SPIDR: variants seen among roughly 807,000 people sequenced by gnomAD.
SPIDR encodes the protein scaffold protein involved in DNA repair.
Under a neutral mutation model 104.6 loss-of-function variants are expected in SPIDR, and 93 were observed. The observed-to-expected ratio is 0.89, with a 90% CI of 0.75 to 1.06. SPIDR has a LOEUF of 1.06. Ranked by LOEUF, SPIDR falls within the 50% of genes least tolerant of loss-of-function variation. SPIDR has a pLI of 0.00. For missense variants in SPIDR, 1,154 were observed against 1,111.2 expected (o/e 1.04, Z -0.55); for synonymous variants, 431 against 416.9 (o/e 1.03, Z -0.41).
At chr8:47,437,980 G>A (rs2068681259) in intron 7 of SPIDR, among the ~76,000 whole-genome samples, 1 of 152,238 alleles carries the variant, frequency 6.6e-6, no homozygotes, top group Non-Finnish European at 1.5e-5. Context: ...AGGTACATAA[G>A]TATTTCTTCT....
chr8:47,354,043 C>T (rs1554624133), intron 5 of SPIDR, among the ~76,000 whole-genome samples: 1 of 151,988 alleles, frequency 6.6e-6, no homozygotes, highest in Non-Finnish European at 1.5e-5. Flanking sequence ...ACTGATTTTC[C>T]ATGCCTGATT....
At chr8:47,703,146 G>A (rs1229551508) in intron 14 of SPIDR, among the ~76,000 whole-genome samples, 1 of 152,236 alleles carries the variant, frequency 6.6e-6, no homozygotes, top group Non-Finnish European at 1.5e-5. Flanking sequence ...CGACACGCTT[G>A]TTAGGAATCT....
chr8:47,376,605 C>G (rs889324934), intron 5 of SPIDR, among the ~76,000 whole-genome samples: 6 of 152,080 alleles, frequency 3.9e-5, no homozygotes, highest in Non-Finnish European at 8.8e-5. Context: ...TGGCAGGATC[C>G]CATACATCAA....
intron 1 of SPIDR, among the ~76,000 whole-genome samples, chr8:47,268,281 T>C (rs1243224441): frequency 2.0e-5 from 3 of 152,218 alleles, no homozygotes; most frequent in Non-Finnish European, 2.9e-5. Context: ...AGTTTCTGAC[T>C]TGTTTTCTGT....
chr8:47,278,723 C>T (rs1225532485), intron 1 of SPIDR, among the ~76,000 whole-genome samples: 2 of 151,940 alleles, frequency 1.3e-5, no homozygotes, highest in African/African-American at 2.4e-5. Context: ...TTGTCCTGCC[C>T]CAGCTTCCTG....
chr8:47,678,598 G>A (rs536284449), intron 11 of SPIDR, among the ~76,000 whole-genome samples: 1 of 152,286 alleles, frequency 6.6e-6, no homozygotes, highest in South Asian at 2.1e-4. Context: ...ACCCACTTTG[G>A]AGGGGGTGCA....
intron 10 of SPIDR, among the ~76,000 whole-genome samples, chr8:47,606,347 G>A (rs941989699): frequency 6.6e-6 from 1 of 151,072 alleles, no homozygotes; most frequent in African/African-American, 2.4e-5. Context: ...ATGAAACCCC[G>A]TCTTTACTAA....
At chr8:47,567,091 C>A (rs914286071) in intron 8 of SPIDR, among the ~76,000 whole-genome samples, 1 of 152,070 alleles carries the variant, frequency 6.6e-6, no homozygotes, top group African/African-American at 2.4e-5. Context: ...CATAAGTAAT[C>A]ACAGTATAAG....
intron 11 of SPIDR, among the ~76,000 whole-genome samples, chr8:47,688,272 G>A (rs1296970647): frequency 6.6e-6 from 1 of 152,018 alleles, no homozygotes; most frequent in African/African-American, 2.4e-5. Flanking sequence ...ACAGGCGCCC[G>A]CCACCATGCC....
intron 11 of SPIDR, among the ~76,000 whole-genome samples, chr8:47,699,872 A>G (rs2079893940): frequency 6.6e-6 from 1 of 152,210 alleles, no homozygotes; most frequent in African/African-American, 2.4e-5. Flanking sequence ...CTTTTCTTAC[A>G]TAAGTAATAC....
intron 8 of SPIDR, among the ~76,000 whole-genome samples, chr8:47,515,033 G>T (rs2082904252): frequency 6.6e-6 from 1 of 152,132 alleles, no homozygotes; most frequent in Non-Finnish European, 1.5e-5. Flanking sequence ...TCAGCAAAAG[G>T]AAGAGCATAT....
intron 14 of SPIDR, among the ~76,000 whole-genome samples, chr8:47,707,145 T>G (rs993890217): frequency 2.6e-5 from 4 of 151,840 alleles, no homozygotes; most frequent in Non-Finnish European, 5.9e-5. Flanking sequence ...TCCCAGCTAC[T>G]TGGGAGGCTG....
At chr8:47,372,904 C>A (rs368445042) in intron 5 of SPIDR, among the ~76,000 whole-genome samples, 2 of 152,096 alleles carry the variant, frequency 1.3e-5, no homozygotes, top group African/African-American at 4.8e-5. Flanking sequence ...CTTTGCAAAA[C>A]CAGGTTACAC....
intron 5 of SPIDR, among the ~76,000 whole-genome samples, chr8:47,387,235 A>G (rs919027234): frequency 6.6e-6 from 1 of 152,218 alleles, no homozygotes; most frequent in African/African-American, 2.4e-5. Flanking sequence ...GCAGACAGCT[A>G]TGAATGGAGG....
intron 19 of SPIDR, among the ~76,000 whole-genome samples, chr8:47,733,831 CTT>C: frequency 6.6e-6 from 1 of 152,236 alleles, no homozygotes; most frequent in South Asian, 2.1e-4. Flanking sequence ...AGTTCCTTCT[CTT>C]TGCCTGTCTT....
intron 1 of SPIDR, among the ~76,000 whole-genome samples, chr8:47,274,266 T>G (rs1303007534): frequency 6.6e-6 from 1 of 152,200 alleles, no homozygotes; most frequent in Non-Finnish European, 1.5e-5. Flanking sequence ...AATCATTGAT[T>G]ATGATTTATT....
At chr8:47,334,941 A>G (rs1001519229) in intron 5 of SPIDR, among the ~76,000 whole-genome samples, 46 of 152,218 alleles carry the variant, frequency 3.0e-4, no homozygotes, top group African/African-American at 1.1e-3. Context: ...TAGAGTTTGC[A>G]GTATACATTT....
At chr8:47,265,011 C>G (rs950850724) in intron 1 of SPIDR, among the ~76,000 whole-genome samples, 1 of 152,022 alleles carries the variant, frequency 6.6e-6, no homozygotes, top group Non-Finnish European at 1.5e-5. Context: ...GCTTCTTGAA[C>G]AAGAAATAGG....
intron 5 of SPIDR, among the ~76,000 whole-genome samples, chr8:47,386,938 T>G (rs150871761): frequency 2.7e-5 from 4 of 149,628 alleles, no homozygotes; most frequent in South Asian, 2.1e-4. Flanking sequence ...GATATAGATA[T>G]AGATATAGAT....
Sources: allele counts gnomAD v4.1 joint callset (sites outside exome capture counted in the v4.1 genomes callset), GRCh38; gene constraint gnomAD v4.1.1; transcripts MANE v1.5; gene names NCBI Gene and HGNC (gene_info 2026-07-23, HGNC 2026-07-21).